ITSN2: variants seen among roughly 807,000 people sequenced by gnomAD.
The protein encoded by ITSN2 is intersectin-2.
ITSN2 carries 156 observed loss-of-function variants against 243.7 expected under a neutral mutation model. The ratio of observed to expected loss-of-function variants is 0.64; its 90% CI spans 0.56 to 0.73. The LOEUF is 0.73. Among genes scored for constraint, ITSN2 ranks in the 30% least tolerant of loss-of-function variants. The pLI is 0.00. For synonymous variants in ITSN2, 703 were observed against 699.9 expected, an observed-to-expected ratio of 1.00 and a Z score of -0.07; for missense variants, 1,801 against 1,996.1, an observed-to-expected ratio of 0.90 and a Z score of 1.86.
At chr2:24,292,420 TG>T (rs11343638) in intron 15 of ITSN2, among the ~76,000 whole-genome samples, 148,745 of 152,114 alleles carry the variant, frequency 0.98, 72,721 homozygotes, top group East Asian at 0.99. Flanking sequence ...AGGGGTGAGG[TG>T]GGGGCTAATA....
intron 1 of ITSN2, among the ~76,000 whole-genome samples, chr2:24,346,934 G>A (rs1317129860): frequency 3.5e-5 from 5 of 141,542 alleles, no homozygotes; most frequent in Admixed American, 1.5e-4. Flanking sequence ...GCATGATCTC[G>A]GCTCACTGCG....
chr2:24,271,884 T>C lies in ITSN2; in HGVS notation c.2139A>G (p.Glu713=), dbSNP rs778445075. 8.1e-6 allele frequency: 13 copies of C among 1,602,772 alleles called. No individual in the cohort carries two copies. The highest frequency in any genetic ancestry group is 1.1e-5 in the Non-Finnish European group (13 of 1,176,046). Residue 713 remains glutamate, a synonymous_variant, in exon 19 of 40, where the codon GAA becomes GAG. Coordinates refer to ENST00000355123, the MANE Select transcript of ITSN2 (RefSeq NM_006277.3). The part of the protein sequence containing the change: ...LWKENLRKEE[E]EKQKRLQEEK... ...CTTCCTGGAGTCGCTTTTGTTTTTC[T>C]TCTTCCTCCTTTCTAAGATTTTCTT...
In ITSN2 at chr2:24,220,669, C is replaced by T. The variant is rs572069275; in HGVS notation, c.3699+276G>A. The T allele has an allele frequency of 1.6e-3, 1,999 of 1,271,438 alleles. 3 individuals are homozygous for T. The highest frequency in any genetic ancestry group is 1.9e-3 in the Non-Finnish European group (1,901 of 1,012,276). The allele number at this position is 1,271,438 out of a possible 1,614,324, so 78.8% of individuals were successfully genotyped here. A position where few individuals can be genotyped will look rare whatever the true frequency, so the allele number is the denominator to read the frequency against. On this transcript the variant is annotated intron_variant, in intron 30 of 39. Coordinates refer to ENST00000355123, the MANE Select transcript of ITSN2 (RefSeq NM_006277.3). ...TTGATGGGGCTCCTGCCACATCCAA[C>T]GAAGCCATGCGAATGCCCTCTTGTT...
intron 29 of ITSN2, among the ~76,000 whole-genome samples, chr2:24,229,286 C>A (rs1671346550): frequency 1.3e-5 from 2 of 152,106 alleles, no homozygotes; most frequent in Admixed American, 6.5e-5. Context: ...ACTATACATT[C>A]TTTTTCCATA....
At chr2:24,339,749 G>A (rs1383500631) in intron 1 of ITSN2, among the ~76,000 whole-genome samples, 3 of 152,160 alleles carry the variant, frequency 2.0e-5, no homozygotes, top group Non-Finnish European at 4.4e-5. Flanking sequence ...TAGGTCAGGT[G>A]TGGTTCACGG....
Position 24,221,032 on chromosome 2 carries a change from CT to C in ITSN2, c.3611del (p.Gln1204ArgfsTer14). On this transcript the variant is annotated frameshift_variant, in exon 30 of 40. Coordinates refer to ENST00000355123, the MANE Select transcript of ITSN2 (RefSeq NM_006277.3). LOFTEE classifies it high-confidence loss of function. ...AGCCCTGTCTTTTCCTCTCAATTGGCTGCATTGTGTCCAGGGTTTGCAGATC... is the reference window on the plus strand; with the variant it reads ...AGCCCTGTCTTTTCCTCTCAATTGGCGCATTGTGTCCAGGGTTTGCAGATC... ...CADLQTLDTM[Q>X]PIERKRQGYI... The C allele has an allele frequency of 6.2e-7, 1 of 1,609,064 alleles. No homozygotes were observed. Among genetic ancestry groups the C allele is most frequent in the Non-Finnish European group, 8.5e-7 (1 of 1,178,178 alleles).
chr2:24,279,998 C>G (rs754180583), intron 17 of ITSN2, among the ~76,000 whole-genome samples: 1 of 152,094 alleles, frequency 6.6e-6, no homozygotes, highest in African/African-American at 2.4e-5. Context: ...TCCCAAAGTG[C>G]TGGGATTACA....
chr2:24,324,667 A>G (rs114195866), intron 2 of ITSN2, among the ~76,000 whole-genome samples: 399 of 151,892 alleles, frequency 2.6e-3, no homozygotes, highest in African/African-American at 9.1e-3. Context: ...TGGTCAACAT[A>G]GTGAGACCCC....
intron 25 of ITSN2, among the ~76,000 whole-genome samples, chr2:24,252,095 C>T (rs1674408572): frequency 6.6e-6 from 1 of 152,172 alleles, no homozygotes; most frequent in African/African-American, 2.4e-5. Flanking sequence ...CCCTACCCTA[C>T]AACTCTTGTT....
chr2:24,206,955 G>C (rs1475203906), intron 37 of ITSN2, among the ~76,000 whole-genome samples: 1 of 152,046 alleles, frequency 6.6e-6, no homozygotes, highest in East Asian at 1.9e-4. Context: ...AGCTGGAGGG[G>C]GAGCTCACAT....
chr2:24,310,170 A>T, intron 7 of ITSN2, 114 bp downstream of exon 7: 1 of 668,110 alleles, frequency 1.5e-6, no homozygotes, highest in Non-Finnish European at 2.6e-6. Context: ...AAGTATTTGT[A>T]CTTGGCCATT....
At position 24,312,301 on chromosome 2, in the gene ITSN2, AG is replaced by A; in HGVS notation, c.262del (p.Leu88Ter). ...AGGCAACTGTTGGCCTTGAAGCTTC[AG>A]TTTGATGAGTTTCATAGCTATGGAG... ...EFSIAMKLIK[L>X]KLQGQQLPVV... On this transcript the variant is annotated frameshift_variant, in exon 5 of 40. Transcript: ENST00000355123. LOFTEE classifies it high-confidence loss of function. 6.2e-7 allele frequency: 1 copy of A among 1,613,660 alleles called. No homozygotes were observed. The highest frequency in any genetic ancestry group is 8.5e-7 in the Non-Finnish European group (1 of 1,179,700).
At chr2:24,207,065 T>A (rs924783327) in intron 37 of ITSN2, among the ~76,000 whole-genome samples, 1 of 151,534 alleles carries the variant, frequency 6.6e-6, no homozygotes, top group African/African-American at 2.4e-5. Flanking sequence ...CAGGTAGTAG[T>A]GGGGATGGGC....
In ITSN2 at chr2:24,330,175, G is replaced by A. The variant is rs149009391; in HGVS notation, c.-33-2060C>T. Among the ~76,000 whole-genome samples, 10 of 152,340 alleles carry A rather than the reference G, an allele frequency of 6.6e-5. No homozygotes were observed. In the East Asian group the frequency reaches 1.7e-3, roughly 26 times the overall value. ...CAACAGAAAAACCAACGAGGAATGG[G>A]ATCCCATGGACACAAGGCCTTAATC... On this transcript the variant is annotated intron_variant, in intron 1 of 39. Coordinates refer to ENST00000355123, the MANE Select transcript of ITSN2 (RefSeq NM_006277.3).
At chr2:24,273,412 C>T (rs1345569343) in intron 18 of ITSN2, among the ~76,000 whole-genome samples, 1 of 152,202 alleles carries the variant, frequency 6.6e-6, no homozygotes, top group Non-Finnish European at 1.5e-5. Flanking sequence ...CTTTCCGGGA[C>T]ACTTTTCCAA....
intron 1 of ITSN2, among the ~76,000 whole-genome samples, chr2:24,340,207 C>T (rs888239267): frequency 3.3e-5 from 5 of 151,920 alleles, no homozygotes; most frequent in Admixed American, 2.0e-4. Context: ...CTTGGCAGGG[C>T]GCGGTGGCTC....
At chr2:24,215,181 G>A (rs1669841777) in intron 32 of ITSN2, among the ~76,000 whole-genome samples, 1 of 152,098 alleles carries the variant, frequency 6.6e-6, no homozygotes. Context: ...TTCTTCTTCT[G>A]CTCATCAGTT....
rs141131412 is a variant in ITSN2 at position 24,300,075 on chromosome 2, G to A, written c.1178C>T (p.Ala393Val). The A allele has an allele frequency of 1.5e-5, 24 of 1,613,744 alleles. No individual in the cohort carries two copies. In the East Asian group the frequency reaches 4.2e-4, roughly 28 times the overall value. ...CTTTTCTTTCTGGGCTTTACGTTCT[G>A]CCTCCCTTTGTTGCTGCTCCATCAA... The part of the protein sequence containing the change: ...QALMEQQQRE[A>V]ERKAQKEKEE... Residue 393 changes from alanine (A) to valine (V), a missense_variant, in exon 12 of 40, where the codon GCA (alanine) becomes GTA (valine). Coordinates refer to ENST00000355123, the MANE Select transcript of ITSN2 (RefSeq NM_006277.3).
chr2:24,214,597 A>T (rs1669795042), intron 32 of ITSN2, among the ~76,000 whole-genome samples: 1 of 152,152 alleles, frequency 6.6e-6, no homozygotes, highest in Admixed American at 6.5e-5. Context: ...ATGCACTTTA[A>T]TTTAAGAGAT....
Sources: allele counts gnomAD v4.1 joint callset (sites outside exome capture counted in the v4.1 genomes callset), GRCh38; gene constraint gnomAD v4.1.1; transcripts MANE v1.5; gene names NCBI Gene and HGNC (gene_info 2026-07-23, HGNC 2026-07-21).